RBM39: variants seen among roughly 807,000 people sequenced by gnomAD.
RBM39 encodes RNA binding motif protein 39.
In RBM39, 12 loss-of-function variants were observed where a neutral mutation model predicts 79.6. The observed-to-expected ratio is 0.15, with a 90% CI of 0.10 to 0.24. The LOEUF (loss-of-function observed/expected upper bound fraction) is 0.24, where lower values mean the gene tolerates loss of function less well. Among genes scored for constraint, RBM39 ranks in the 10% least tolerant of loss-of-function variants. The pLI, the probability that RBM39 is intolerant of heterozygous loss-of-function variation, is 1.00. For synonymous variants in RBM39, 185 were observed against 208.4 expected, an observed-to-expected ratio of 0.89 and a Z score of 0.97; for missense variants, 243 against 653.4, an observed-to-expected ratio of 0.37 and a Z score of 6.85.
At chr20:35,711,961 G>A (rs755080860) in intron 12 of RBM39, among the ~76,000 whole-genome samples, 16 of 152,086 alleles carry the variant, frequency 1.1e-4, no homozygotes, top group Non-Finnish European at 1.8e-4. Flanking sequence ...GGTGTGGTGG[G>A]AAATGTCTGT....
chr20:35,715,377 T>C (rs780057957), intron 10 of RBM39, among the ~76,000 whole-genome samples: 3 of 152,178 alleles, frequency 2.0e-5, no homozygotes, highest in Non-Finnish European at 4.4e-5. Flanking sequence ...GGTTGCACCA[T>C]GTTGGCCAGG....
chr20:35,728,949 G>A (rs181335876), intron 6 of RBM39, among the ~76,000 whole-genome samples: 2 of 152,000 alleles, frequency 1.3e-5, no homozygotes, highest in African/African-American at 4.8e-5. Flanking sequence ...GGTGGTGCAT[G>A]CCTGTAATCC....
At chr20:35,710,518 CAA>C (rs1458096907) in intron 12 of RBM39, 2 of 152,034 alleles carry the variant, frequency 1.3e-5, no homozygotes, top group Non-Finnish European at 2.9e-5. Flanking sequence ...TCATTTGTGA[CAA>C]AGTGAAAAAT....
At chr20:35,722,027 G>C (rs1379964188) in intron 8 of RBM39, 150 bp from the exon 9 acceptor site, 4 of 870,376 alleles carry the variant, frequency 4.6e-6, no homozygotes, top group Non-Finnish European at 3.4e-6. Flanking sequence ...TTAATAGGAG[G>C]CATCTAGAAT....
At position 35,716,867 on chromosome 20, in the gene RBM39, TGA is replaced by T. The variant is rs1261671958; in HGVS notation, c.826-64_826-63del. The T allele has an allele frequency of 4.5e-6, 5 of 1,107,618 alleles. No homozygotes were observed. In the Admixed American group the frequency reaches 1.1e-4, roughly 25 times the overall value. 68.6% of individuals were successfully genotyped at this position (1,107,618 alleles called of 1,614,324 possible). A position where few individuals can be genotyped will look rare whatever the true frequency, so the allele number is the denominator to read the frequency against. On this transcript the variant is annotated intron_variant, in intron 9 of 16. Coordinates refer to ENST00000253363, the MANE Select transcript of RBM39 (RefSeq NM_184234.3). ...CAGAGTACAAAACTACTTTCTTCCC[TGA>T]GACATGGTTTTAAAAATCTACCAGT... is the stretch of plus-strand genomic sequence containing the variant.
At chr20:35,720,695 C>CA (rs1310323104) in intron 9 of RBM39, among the ~76,000 whole-genome samples, 1 of 152,066 alleles carries the variant, frequency 6.6e-6, no homozygotes, top group African/African-American at 2.4e-5. Flanking sequence ...CGCTTGAACA[C>CA]AGAGAGGAGG....
chr20:35,710,941 G>A (rs755180559), intron 12 of RBM39, among the ~76,000 whole-genome samples: 13 of 152,022 alleles, frequency 8.6e-5, no homozygotes, highest in Non-Finnish European at 1.3e-4. Flanking sequence ...TGGAGCTTTA[G>A]GATTTTAGCT....
intron 8 of RBM39, 81 bp from the exon 9 acceptor site, chr20:35,721,958 T>TTA: frequency 6.7e-7 from 1 of 1,482,766 alleles, no homozygotes; most frequent in East Asian, 2.3e-5. Flanking sequence ...TAACAACTAA[T>TTA]GTTAAAGTTT....
At chr20:35,734,380 T>C (rs187863803) in intron 3 of RBM39, 3 of 370,934 alleles carry the variant, frequency 8.1e-6, no homozygotes, top group Admixed American at 3.5e-5. Context: ...AGATGGGCAA[T>C]AGGTAACACT....
intron 15 of RBM39, 174 bp downstream of exon 15, chr20:35,705,051 G>C (rs1045935410): frequency 3.3e-6 from 2 of 604,558 alleles, no homozygotes; most frequent in African/African-American, 3.8e-5. Flanking sequence ...AATTGTTACT[G>C]ATTTTCTTTT....
intron 12 of RBM39, among the ~76,000 whole-genome samples, chr20:35,711,298 T>C (rs1433323024): frequency 6.6e-6 from 1 of 152,120 alleles, no homozygotes; most frequent in Non-Finnish European, 1.5e-5. Context: ...AACAGTTTTC[T>C]GGTTAAAAAA....
intron 13 of RBM39, 189 bp from the exon 14 acceptor site, chr20:35,707,390 A>G (rs932910679): frequency 2.1e-5 from 8 of 388,860 alleles, no homozygotes; most frequent in African/African-American, 1.1e-4. Flanking sequence ...AAACTGAGGT[A>G]ACCTAATACT....
chr20:35,712,150 G>C (rs982558912), intron 12 of RBM39, among the ~76,000 whole-genome samples: 1 of 151,986 alleles, frequency 6.6e-6, no homozygotes, highest in African/African-American at 2.4e-5. Context: ...TCCCAGATTT[G>C]GGTCAATGTA....
intron 6 of RBM39, among the ~76,000 whole-genome samples, chr20:35,727,648 G>GTTTTTTT (rs773616534): frequency 1.5e-5 from 2 of 134,522 alleles, no homozygotes; most frequent in African/African-American, 5.7e-5. Flanking sequence ...GCTAATTTTT[G>GTTTTTTT]TATTTTTTTT....
chr20:35,741,555 GA>G, intron 1 of RBM39: 1 of 152,206 alleles, frequency 6.6e-6, no homozygotes, highest in East Asian at 1.9e-4. Context: ...TCCAAAAACA[GA>G]AACTGGGAGA....
intron 10 of RBM39, 46 bp downstream of exon 10, chr20:35,716,694 T>TTA: frequency 1.0e-6 from 1 of 976,738 alleles, no homozygotes; most frequent in Non-Finnish European, 1.5e-6. Context: ...AAATGTAGTT[T>TTA]AAAAAAAAAA....
In RBM39 at chr20:35,701,625, G is replaced by C; in HGVS notation, c.*2856C>G. 6.6e-6 allele frequency: 1 copy of C among 152,074 alleles called. No individual in the cohort carries two copies. The allele number at this position is 152,074 out of a possible 1,614,324, so 9.4% of individuals were successfully genotyped here. A position where few individuals can be genotyped will look rare whatever the true frequency, so the allele number is the denominator to read the frequency against. On this transcript the variant is annotated 3_prime_UTR_variant, in exon 17 of 17. Transcript: ENST00000253363. ...AAACTTAAGCCGGGTGTGTTGACAC[G>C]CGCCTGTATTCCCAGCTACTCGGGA...
chr20:35,736,502 T>G, intron 3 of RBM39: 1 of 440,190 alleles, frequency 2.3e-6, no homozygotes, highest in Non-Finnish European at 4.7e-6. Flanking sequence ...TATGAAATTT[T>G]ATCAACCTAC....
intron 11 of RBM39, 63 bp downstream of exon 11, chr20:35,714,122 G>A: frequency 2.0e-6 from 3 of 1,508,516 alleles, no homozygotes; most frequent in African/African-American, 1.4e-5. Flanking sequence ...AGTTTACATG[G>A]CTACCTTTCT....
Sources: allele counts gnomAD v4.1 joint callset (sites outside exome capture counted in the v4.1 genomes callset), GRCh38; gene constraint gnomAD v4.1.1; transcripts MANE v1.5; gene names NCBI Gene and HGNC (gene_info 2026-07-23, HGNC 2026-07-21).